Variants in PLCXD2 observed in about 807,000 individuals in gnomAD.
PLCXD2 encodes phosphatidylinositol specific phospholipase C X domain containing 2, also known as PI-PLC X domain-containing protein 2.
A neutral mutation model predicts 28.6 loss-of-function variants in PLCXD2; 21 were observed. That is an observed-to-expected ratio of 0.73 (90% CI 0.52 to 1.06). The LOEUF (loss-of-function observed/expected upper bound fraction) is 1.06, where lower values mean the gene tolerates loss of function less well. Ranked by LOEUF, PLCXD2 falls within the 50% of genes least tolerant of loss-of-function variation. The pLI, the probability that PLCXD2 is intolerant of heterozygous loss-of-function variation, is 0.00. For synonymous variants in PLCXD2, 140 were observed against 150.1 expected (o/e 0.93, Z 0.49); for missense variants, 369 against 376.7 (o/e 0.98, Z 0.17).
At chr3:111,715,122 G>A (rs1051757172) in intron 3 of PLCXD2, among the ~76,000 whole-genome samples, 1 of 152,160 alleles carries the variant, frequency 6.6e-6, no homozygotes, top group Admixed American at 6.5e-5. Context: ...CTTGGTGAGA[G>A]CTCCTGATTA....
At position 111,692,294 on chromosome 3, in the gene PLCXD2, C is replaced by T. The variant is rs565383502; in HGVS notation, c.164-15632C>T. Among the ~76,000 whole-genome samples the T allele has an allele frequency of 3.1e-3, 473 of 152,312 alleles. 1 individual carries two copies. Among genetic ancestry groups the T allele is most frequent in the African/African-American group, 0.01 (420 of 41,572 alleles). ...TCCTGACCTTGTGATCCGCCCGCCT[C>T]GGCCTCCCAAAGTGCTGGGATTACA... On this transcript the variant is annotated intron_variant, in intron 1 of 4. Coordinates refer to ENST00000477665, the MANE Select transcript of PLCXD2 (RefSeq NM_001185106.1).
chr3:111,694,241 G>A (rs559218556), intron 1 of PLCXD2, among the ~76,000 whole-genome samples: 42 of 152,196 alleles, frequency 2.8e-4, no homozygotes, highest in African/African-American at 9.9e-4. Flanking sequence ...GTCTTTCCAA[G>A]AGTCTATCTC....
At chr3:111,676,321 A>C (rs2107834936) in intron 1 of PLCXD2, among the ~76,000 whole-genome samples, 2 of 152,306 alleles carry the variant, frequency 1.3e-5, no homozygotes, top group South Asian at 4.1e-4. Context: ...AAGTTCACCC[A>C]CAGACTACCA....
intron 1 of PLCXD2, among the ~76,000 whole-genome samples, chr3:111,679,503 C>T (rs1273503778): frequency 3.3e-5 from 5 of 152,056 alleles, no homozygotes; most frequent in African/African-American, 9.7e-5. Context: ...AAGGTAGCAG[C>T]GCAGTCATTG....
chr3:111,718,870 A>G (rs1169420537), intron 3 of PLCXD2, among the ~76,000 whole-genome samples: 1 of 152,212 alleles, frequency 6.6e-6, no homozygotes, highest in East Asian at 1.9e-4. Context: ...TACACTTACT[A>G]TTAATGCAGA....
intron 1 of PLCXD2, among the ~76,000 whole-genome samples, chr3:111,681,918 G>A (rs936398355): frequency 2.0e-5 from 3 of 152,188 alleles, no homozygotes; most frequent in Admixed American, 6.5e-5. Context: ...ATGCTTTAGC[G>A]TCCTGCAACT....
intron 1 of PLCXD2, among the ~76,000 whole-genome samples, chr3:111,700,622 T>G (rs761885030): frequency 6.6e-6 from 1 of 152,076 alleles, no homozygotes; most frequent in Admixed American, 6.5e-5. Flanking sequence ...AAAAAAAAAT[T>G]TGTTGTTAGT....
chr3:111,699,597 C>G (rs1941012016), intron 1 of PLCXD2, among the ~76,000 whole-genome samples: 2 of 152,146 alleles, frequency 1.3e-5, no homozygotes, highest in South Asian at 4.1e-4. Flanking sequence ...CTCAAATAAT[C>G]TAACACTACC....
intron 3 of PLCXD2, among the ~76,000 whole-genome samples, chr3:111,714,986 T>C (rs1941249547): frequency 6.6e-6 from 1 of 152,172 alleles, no homozygotes; most frequent in Non-Finnish European, 1.5e-5. Context: ...CGAGCAGAGT[T>C]CAGATAATGA....
rs76691310 is a variant in PLCXD2 at position 111,688,445 on chromosome 3, C to A, written c.163+13037C>A. Among the ~76,000 whole-genome samples the A allele has an allele frequency of 5.3e-5, 8 of 152,322 alleles. 1 individual carries two copies. The highest frequency in any genetic ancestry group is 1.9e-4 in the African/African-American group (8 of 41,564). ...TTCTCATGGACAGTGTTTCTTTCCTCGTATTGATGTGTGACAGTACCACAC... is the reference window on the plus strand; with the variant it reads ...TTCTCATGGACAGTGTTTCTTTCCTAGTATTGATGTGTGACAGTACCACAC... On this transcript the variant is annotated intron_variant, in intron 1 of 4. Coordinates refer to ENST00000477665, the MANE Select transcript of PLCXD2 (RefSeq NM_001185106.1).
intron 1 of PLCXD2, among the ~76,000 whole-genome samples, chr3:111,707,056 A>C (rs1042907065): frequency 3.1e-4 from 47 of 152,194 alleles, no homozygotes; most frequent in Admixed American, 6.5e-4. Context: ...ATCAGACTTA[A>C]TCTGCACTAT....
At chr3:111,709,472 A>G (rs926219033) in intron 2 of PLCXD2, among the ~76,000 whole-genome samples, 1 of 151,674 alleles carries the variant, frequency 6.6e-6, no homozygotes, top group Non-Finnish European at 1.5e-5. Context: ...GTATATACAC[A>G]CACACACACA....
intron 1 of PLCXD2, among the ~76,000 whole-genome samples, chr3:111,688,589 C>T (rs1940829714): frequency 6.6e-6 from 1 of 152,210 alleles, no homozygotes; most frequent in South Asian, 2.1e-4. Flanking sequence ...GCCCATGTGA[C>T]TCAAATCCTG....
chr3:111,680,218 TG>T (rs1177806639), intron 1 of PLCXD2, among the ~76,000 whole-genome samples: 1 of 152,196 alleles, frequency 6.6e-6, no homozygotes, highest in East Asian at 1.9e-4. Context: ...TGGAGCAGGA[TG>T]GAGTCATTAC....
At chr3:111,687,469 C>A (rs1323084546) in intron 1 of PLCXD2, among the ~76,000 whole-genome samples, 1 of 152,152 alleles carries the variant, frequency 6.6e-6, no homozygotes, top group African/African-American at 2.4e-5. Flanking sequence ...GTATTAATAA[C>A]TTTGTAAATT....
At chr3:111,682,804 G>A (rs557688533) in intron 1 of PLCXD2, among the ~76,000 whole-genome samples, 1 of 152,316 alleles carries the variant, frequency 6.6e-6, no homozygotes, top group African/African-American at 2.4e-5. Flanking sequence ...GATCATCTTG[G>A]CAGTAGGTGT....
At chr3:111,706,634 T>C (rs1228231912) in intron 1 of PLCXD2, among the ~76,000 whole-genome samples, 1 of 151,568 alleles carries the variant, frequency 6.6e-6, no homozygotes, top group East Asian at 1.9e-4. Flanking sequence ...AGATATGGAC[T>C]GGCTGAATGG....
chr3:111,724,014 C>T (rs541782587), intron 3 of PLCXD2: 1 of 152,170 alleles, frequency 6.6e-6, no homozygotes, highest in African/African-American at 2.4e-5. Context: ...CCCACACAGC[C>T]ATATTTCCAT....
intron 3 of PLCXD2, chr3:111,721,660 C>T (rs887808161): frequency 6.6e-6 from 1 of 152,198 alleles, no homozygotes; most frequent in Non-Finnish European, 1.5e-5. Flanking sequence ...GATAGATATG[C>T]ATGTTTGCTG....
Sources: gnomAD v4.1 joint callset for allele counts (sites outside exome capture counted in the v4.1 genomes callset) on GRCh38, gnomAD v4.1.1 for gene constraint, MANE v1.5 for transcripts, NCBI Gene and HGNC (gene_info 2026-07-23, HGNC 2026-07-21) for gene names.